The following KCNC2 variants were observed in gnomAD, a reference collection of about 807,000 sequenced individuals.
KCNC2 encodes the protein voltage-gated potassium channel KCNC2.
A neutral mutation model predicts 44.5 loss-of-function variants in KCNC2; 21 were observed. That is an observed-to-expected ratio of 0.47 (90% confidence interval 0.33 to 0.68). KCNC2 has a LOEUF of 0.68. Among genes scored for constraint, KCNC2 ranks in the 30% least tolerant of loss-of-function variants. KCNC2 has a pLI of 0.01. For synonymous variants in KCNC2, 391 were observed against 339.1 expected, an observed-to-expected ratio of 1.15 and a Z score of -1.68; for missense variants, 589 against 826.2, an observed-to-expected ratio of 0.71 and a Z score of 3.52.
intron 2 of KCNC2, among the ~76,000 whole-genome samples, chr12:75,143,275 C>T (rs967477874): frequency 1.3e-5 from 2 of 152,242 alleles, no homozygotes; most frequent in African/African-American, 2.4e-5. Flanking sequence ...ATCAAAGTAA[C>T]TTATTTCCTA....
At chr12:75,107,554 A>T (rs1886887783) in intron 2 of KCNC2, among the ~76,000 whole-genome samples, 1 of 152,198 alleles carries the variant, frequency 6.6e-6, no homozygotes, top group African/African-American at 2.4e-5. Context: ...GTCTCCTGAT[A>T]TCTTTGTTAG....
intron 2 of KCNC2, among the ~76,000 whole-genome samples, chr12:75,100,942 T>A (rs1411994670): frequency 1.3e-5 from 2 of 152,128 alleles, no homozygotes; most frequent in African/African-American, 4.8e-5. Flanking sequence ...ATTATGTACA[T>A]TAATTTTCTT....
At chr12:75,150,290 C>T (rs1277446975) in intron 2 of KCNC2, among the ~76,000 whole-genome samples, 5 of 151,868 alleles carry the variant, frequency 3.3e-5, no homozygotes, top group African/African-American at 4.8e-5. Flanking sequence ...TCATCCGTTA[C>T]ACTAACACAC....
intron 2 of KCNC2, among the ~76,000 whole-genome samples, chr12:75,074,745 A>T (rs577637454): frequency 2.6e-5 from 4 of 152,354 alleles, no homozygotes; most frequent in Admixed American, 2.6e-4. Context: ...ACATTATATG[A>T]TACTGAGATG....
rs182522320 is a variant in KCNC2, at chr12:75,184,125, G to A, written c.687+23172C>T. 1.9e-3 allele frequency among the ~76,000 whole-genome samples: 292 copies of A among 152,144 alleles called. 2 individuals carry two copies. The highest frequency in any genetic ancestry group is 6.2e-3 in the African/African-American group (257 of 41,516). On this transcript the variant is annotated intron_variant, in intron 2 of 4. Transcript: ENST00000549446. ...AGATTCTCTTTCCATGTCTCCTGTA[G>A]ACTGCCTATTATAACACTTATATTT...
At position 75,040,918 on chromosome 12, in the gene KCNC2, C is replaced by A. The variant is rs1879822853; in HGVS notation, c.*2187G>T. The A allele has an allele frequency of 1.8e-6, 1 of 564,940 alleles. No homozygotes were observed. The highest frequency in any genetic ancestry group is 1.9e-5 in the African/African-American group (1 of 53,262). The allele number at this position is 564,940 out of a possible 1,614,324, so 35.0% of individuals were successfully genotyped here. On this transcript the variant is annotated 3_prime_UTR_variant, in exon 5 of 5. Transcript: ENST00000549446. The stretch of plus-strand genomic sequence containing the variant: ...TTTGGCTTCTTTTGATGAGAAATGG[C>A]CAAGACTGTTGACCCATGCACACAT...
At chr12:75,057,118 G>T (rs1426543802) in intron 2 of KCNC2, among the ~76,000 whole-genome samples, 1 of 151,996 alleles carries the variant, frequency 6.6e-6, no homozygotes, top group Non-Finnish European at 1.5e-5. Context: ...TAATAACCAA[G>T]AGAAGGTTAA....
intron 2 of KCNC2, among the ~76,000 whole-genome samples, chr12:75,092,609 G>A (rs761457278): frequency 1.4e-4 from 21 of 151,466 alleles, no homozygotes; most frequent in African/African-American, 2.2e-4. Flanking sequence ...ATCTATTCCT[G>A]AAGAATGAGA....
chr12:75,067,892 C>T (rs555020627), intron 2 of KCNC2, among the ~76,000 whole-genome samples: 133 of 151,986 alleles, frequency 8.8e-4, no homozygotes, highest in Non-Finnish European at 1.6e-3. Context: ...AAAAAACATA[C>T]TTTTTTTATG....
intron 2 of KCNC2, among the ~76,000 whole-genome samples, chr12:75,095,767 T>C (rs1426768713): frequency 6.6e-6 from 1 of 151,894 alleles, no homozygotes; most frequent in African/African-American, 2.4e-5. Context: ...GTTGAGTAAA[T>C]GAATAAATTT....
intron 2 of KCNC2, among the ~76,000 whole-genome samples, chr12:75,195,051 A>C (rs7311676): frequency 0.084 from 12,760 of 152,226 alleles, 592 homozygotes; most frequent in Admixed American, 0.14. Flanking sequence ...TATCATTTTC[A>C]TTTAATCCTA....
intron 2 of KCNC2, among the ~76,000 whole-genome samples, chr12:75,052,075 T>C (rs897114840): frequency 3.9e-5 from 6 of 152,062 alleles, no homozygotes; most frequent in African/African-American, 1.4e-4. Context: ...GCCAATAATA[T>C]ATGACTACAC....
At chr12:75,084,121 G>A (rs1215584639) in intron 2 of KCNC2, among the ~76,000 whole-genome samples, 3 of 151,812 alleles carry the variant, frequency 2.0e-5, no homozygotes, top group Admixed American at 1.3e-4. Context: ...TGAAAAATGT[G>A]GAGGTCAAGG....
intron 2 of KCNC2, among the ~76,000 whole-genome samples, chr12:75,170,730 AAG>A (rs35104932): frequency 0.18 from 27,731 of 151,546 alleles, 2,770 homozygotes; most frequent in Admixed American, 0.25. Context: ...GTTCTCAGCC[AAG>A]AGATGTTAAC....
intron 2 of KCNC2, among the ~76,000 whole-genome samples, chr12:75,078,645 A>G: frequency 6.6e-6 from 1 of 152,160 alleles, no homozygotes; most frequent in Admixed American, 6.6e-5. Flanking sequence ...TTATCAATGA[A>G]GAGGAAGCAC....
intron 2 of KCNC2, among the ~76,000 whole-genome samples, chr12:75,092,797 T>C (rs537519115): frequency 6.6e-6 from 1 of 151,704 alleles, no homozygotes; most frequent in Non-Finnish European, 1.5e-5. Flanking sequence ...TATGAAGTAT[T>C]ACATTTCAGT....
chr12:75,104,353 A>C (rs536516804), intron 2 of KCNC2, among the ~76,000 whole-genome samples: 1 of 152,282 alleles, frequency 6.6e-6, no homozygotes, highest in South Asian at 2.1e-4. Context: ...AGAACGGTAC[A>C]CAATTTAAAA....
intron 3 of KCNC2, 123 bp from the exon 4 acceptor site, chr12:75,048,440 C>A (rs989545656): frequency 9.2e-6 from 6 of 651,330 alleles, no homozygotes; most frequent in East Asian, 3.4e-5. Flanking sequence ...AATCACATCA[C>A]AATAAGAAAA....
chr12:75,144,496 A>T (rs1889874816), intron 2 of KCNC2, among the ~76,000 whole-genome samples: 1 of 152,186 alleles, frequency 6.6e-6, no homozygotes, highest in Admixed American at 6.5e-5. Flanking sequence ...TTGTAGTTCC[A>T]GCTACCTGGG....
Sources: allele counts gnomAD v4.1 joint callset (sites outside exome capture counted in the v4.1 genomes callset), GRCh38; gene constraint gnomAD v4.1.1; transcripts MANE v1.5; gene names NCBI Gene and HGNC (gene_info 2026-07-23, HGNC 2026-07-21).